Variants in RLF observed in about 807,000 individuals in gnomAD.
The protein encoded by RLF is RLF zinc finger.
In RLF, 7 loss-of-function variants were observed where a neutral mutation model predicts 162.9. The ratio of observed to expected loss-of-function variants is 0.04; its 90% CI spans 0.02 to 0.08. RLF has a LOEUF of 0.08. Among genes scored for constraint, RLF ranks in the 10% least tolerant of loss-of-function variants. RLF has a pLI of 1.00. For missense variants in RLF, 1,664 were observed against 2,244.7 expected, an observed-to-expected ratio of 0.74 and a Z score of 5.23; for synonymous variants, 782 against 791.5, an observed-to-expected ratio of 0.99 and a Z score of 0.20.
intron 6 of RLF, among the ~76,000 whole-genome samples, chr1:40,231,079 A>G (rs1433937339): frequency 1.3e-5 from 2 of 152,052 alleles, no homozygotes; most frequent in Non-Finnish European, 2.9e-5. Context: ...GCCCTTTAAG[A>G]TCACTGTATA....
intron 1 of RLF, among the ~76,000 whole-genome samples, chr1:40,183,694 A>G (rs556283725): frequency 1.1e-4 from 16 of 152,226 alleles, no homozygotes; most frequent in Admixed American, 3.9e-4. Context: ...TCTAACACCT[A>G]TTGGATGACT....
At chr1:40,227,956 T>C (rs761582113) in intron 6 of RLF, among the ~76,000 whole-genome samples, 3 of 151,472 alleles carry the variant, frequency 2.0e-5, no homozygotes, top group Non-Finnish European at 2.9e-5. Flanking sequence ...TAAGCCGATA[T>C]CGCACCACTG....
chr1:40,162,695 CT>C (rs1642110890), intron 1 of RLF, among the ~76,000 whole-genome samples: 1 of 152,150 alleles, frequency 6.6e-6, no homozygotes, highest in South Asian at 2.1e-4. Flanking sequence ...CTTTTCTTCC[CT>C]CTCTCTGCCG....
intron 5 of RLF, among the ~76,000 whole-genome samples, chr1:40,217,242 G>C (rs974849778): frequency 3.3e-5 from 5 of 152,076 alleles, no homozygotes; most frequent in African/African-American, 1.2e-4. Context: ...TAGGTTGGGG[G>C]AACATTTGAG....
intron 6 of RLF, among the ~76,000 whole-genome samples, chr1:40,229,790 A>G (rs1401034991): frequency 1.3e-5 from 2 of 151,932 alleles, no homozygotes; most frequent in Non-Finnish European, 2.9e-5. Flanking sequence ...ATTCATTTCA[A>G]TCTTTGAAGC....
rs60817514 is a variant in RLF at position 40,237,159 on chromosome 1, G to A, written c.2457G>A (p.Gln819=). The change falls in exon 8 of 8, where the codon CAG becomes CAA. Residue 819 remains glutamine, a synonymous_variant. Transcript: ENST00000372771. The surrounding 1 kb of genome is among the most constrained non-coding windows in gnomAD (Gnocchi z 4.4). ...KKFYYSKIEY[Q]NHLSMHNVEN... The stretch of plus-strand genomic sequence containing the variant: ...TCTATTACTCCAAAATTGAATACCA[G>A]AATCACCTCTCAATGCATAATGTTG... 327 of 1,613,998 alleles carry A rather than the reference G, an allele frequency of 2.0e-4. 2 individuals carry two copies. In the African/African-American group the frequency reaches 3.5e-3, roughly 17 times the overall value.
At chr1:40,200,972 T>TAC (rs1037003735) in intron 4 of RLF, among the ~76,000 whole-genome samples, 3 of 99,012 alleles carry the variant, frequency 3.0e-5, no homozygotes, top group Non-Finnish European at 3.8e-5. Flanking sequence ...ATTGCTACTC[T>TAC]ACACACACAC....
chr1:40,196,882 C>G (rs901839871), intron 4 of RLF, among the ~76,000 whole-genome samples: 13 of 152,190 alleles, frequency 8.5e-5, no homozygotes, highest in African/African-American at 3.1e-4. Context: ...CATTTTAGAT[C>G]ACAAAAGTAT....
chr1:40,181,582 A>G (rs1412585801), intron 1 of RLF, among the ~76,000 whole-genome samples: 3 of 152,192 alleles, frequency 2.0e-5, no homozygotes, highest in Non-Finnish European at 4.4e-5. Context: ...TTTTATGGAT[A>G]ACTCTGTAGT....
Position 40,161,483 on chromosome 1 carries a change from C to T in RLF, c.84C>T (p.Val28=), listed in dbSNP as rs1055980924. ...CGGTAGCGGGAGCCGGAGATGGAGT[C>T]GAGACTGAGTCCATGGTTCGGGGTC... is the stretch of plus-strand genomic sequence containing the variant. ...APAVAGAGDG[V]ETESMVRGHR... Residue 28 remains valine, a synonymous_variant, in exon 1 of 8, where the codon GTC becomes GTT. Transcript: ENST00000372771. This position sits in a 1 kb window ranked among gnomAD's most constrained non-coding sequence, Gnocchi z 4.4. 6.3e-7 allele frequency: 1 copy of T among 1,594,084 alleles called. No homozygotes were observed. The highest frequency in any genetic ancestry group is 1.8e-5 in the Admixed American group (1 of 55,950).
intron 5 of RLF, among the ~76,000 whole-genome samples, chr1:40,219,409 T>C (rs1642964470): frequency 6.6e-6 from 1 of 152,138 alleles, no homozygotes; most frequent in African/African-American, 2.4e-5. Context: ...TTAGAGTCTA[T>C]AAGGAAGAAC....
At chr1:40,198,947 CAT>C (rs1642674705) in intron 4 of RLF, among the ~76,000 whole-genome samples, 1 of 152,090 alleles carries the variant, frequency 6.6e-6, no homozygotes, top group African/African-American at 2.4e-5. Context: ...AAGATTGAGC[CAT>C]ATGTTAAAAT....
chr1:40,232,137 G>A (rs1385994822), intron 7 of RLF, among the ~76,000 whole-genome samples: 1 of 151,982 alleles, frequency 6.6e-6, no homozygotes, highest in African/African-American at 2.4e-5. Flanking sequence ...GAACAGGGAA[G>A]GCGGAGGTTG....
intron 1 of RLF, among the ~76,000 whole-genome samples, chr1:40,184,807 G>A (rs1013631098): frequency 1.4e-4 from 21 of 152,232 alleles, no homozygotes; most frequent in African/African-American, 4.8e-4. Flanking sequence ...AAAATAGTAG[G>A]TATTTGTGGA....
At chr1:40,209,875 CTT>C in intron 5 of RLF, among the ~76,000 whole-genome samples, 1 of 139,424 alleles carries the variant, frequency 7.2e-6, no homozygotes, top group Middle Eastern at 3.5e-3. Context: ...GAGACTCCGT[CTT>C]AAAAAAAAAA....
Position 40,183,340 on chromosome 1 carries a change from A to C in RLF, c.238-5715A>C, listed in dbSNP as rs574100557. Among the ~76,000 whole-genome samples the C allele has an allele frequency of 5.9e-5, 9 of 152,346 alleles. No homozygotes were observed. The South Asian group carries it at 1.9e-3, about 32-fold the overall frequency. The stretch of plus-strand genomic sequence containing the variant: ...TCTATTAGAAAACACATAACTTCCT[A>C]TTGCCATAGAACATACAGCTTTAAA... On this transcript the variant is annotated intron_variant, in intron 1 of 7. Coordinates refer to ENST00000372771, the MANE Select transcript of RLF (RefSeq NM_012421.4).
chr1:40,184,294 T>C (rs549929186), intron 1 of RLF, among the ~76,000 whole-genome samples: 2 of 152,328 alleles, frequency 1.3e-5, no homozygotes, highest in South Asian at 4.1e-4. Context: ...ATAACACATA[T>C]ACAGAACTAG....
intron 1 of RLF, among the ~76,000 whole-genome samples, chr1:40,178,905 G>T (rs947585751): frequency 7.2e-5 from 11 of 152,054 alleles, no homozygotes; most frequent in Non-Finnish European, 1.2e-4. Context: ...TGCGATCTCA[G>T]CTCACTGCAG....
Position 40,240,093 on chromosome 1 carries a change from A to T in RLF, c.5391A>T (p.Thr1797=), listed in dbSNP as rs972958647. The change falls in exon 8 of 8, where the codon ACA becomes ACT. Residue 1797 remains threonine, a synonymous_variant. Transcript: ENST00000372771. ...ATTGGGAGCCTTCAGAGCACTTAAC[A>T]TTAAGTAATTCTTCACAGTCCAGTA... The part of the protein sequence containing the change: ...FDDWEPSEHL[T]LSNSSQSSND... The T allele has an allele frequency of 6.2e-7, 1 of 1,614,100 alleles. No homozygotes were observed. Among genetic ancestry groups the T allele is most frequent in the Non-Finnish European group, 8.5e-7 (1 of 1,179,932 alleles).
Sources: allele counts gnomAD v4.1 joint callset (sites outside exome capture counted in the v4.1 genomes callset), GRCh38; gene constraint gnomAD v4.1.1; non-coding constraint Gnocchi (gnomAD v3.1); transcripts MANE v1.5; gene names NCBI Gene and HGNC (gene_info 2026-07-23, HGNC 2026-07-21).